Variants in ZSWIM6 observed in about 807,000 individuals in gnomAD.
The protein encoded by ZSWIM6 is zinc finger SWIM-type containing 6.
In ZSWIM6, 9 loss-of-function variants were observed where a neutral mutation model predicts 113.2. The observed-to-expected ratio is 0.08, with a 90% CI of 0.05 to 0.14. The LOEUF is 0.14. Among genes scored for constraint, ZSWIM6 ranks in the 10% least tolerant of loss-of-function variants. The pLI is 1.00. For missense variants in ZSWIM6, 1,162 were observed against 1,552.2 expected (o/e 0.75, Z 4.22); for synonymous variants, 611 against 606.5 (o/e 1.01, Z -0.11).
intron 4 of ZSWIM6, among the ~76,000 whole-genome samples, chr5:61,518,871 T>G (rs1749035596): frequency 6.6e-6 from 1 of 152,140 alleles, no homozygotes; most frequent in Non-Finnish European, 1.5e-5. Context: ...CCCATGCCTA[T>G]GTCCTGAATG....
rs1417839181 is a variant in ZSWIM6 at position 61,332,866 on chromosome 5, C to T, written c.594C>T (p.Asp198=). ...APSVGAAGAA[D]GGDETRLPFR... is the part of the protein sequence containing the mutation. ...CGGTGGGGGCTGCCGGGGCGGCGGA[C>T]GGCGGCGACGAGACGCGGCTGCCTT... The change falls in exon 1 of 14, where the codon GAC becomes GAT. Residue 198 remains aspartate, a synonymous_variant. Coordinates refer to ENST00000252744, the MANE Select transcript of ZSWIM6 (RefSeq NM_020928.2). 6.8e-5 allele frequency: 84 copies of T among 1,233,016 alleles called. No individual in the cohort carries two copies. Among genetic ancestry groups the T allele is most frequent in the Non-Finnish European group, 8.6e-5 (83 of 968,290 alleles). The allele number at this position is 1,233,016 out of a possible 1,614,324, so 76.4% of individuals were successfully genotyped here. A position where few individuals can be genotyped will look rare whatever the true frequency, so the allele number is the denominator to read the frequency against.
chr5:61,489,180 T>C (rs1207376981), intron 2 of ZSWIM6, among the ~76,000 whole-genome samples: 2 of 151,990 alleles, frequency 1.3e-5, no homozygotes, highest in Non-Finnish European at 2.9e-5. Flanking sequence ...TGCAGACCCT[T>C]CTCTCCTTTC....
In ZSWIM6 at chr5:61,357,244, G is replaced by A. The variant is rs565006699; in HGVS notation, c.676+24296G>A. Among the ~76,000 whole-genome samples the A allele has an allele frequency of 4.6e-5, 7 of 152,206 alleles. No homozygotes were observed. The East Asian group carries it at 7.7e-4, about 17-fold the overall frequency. On this transcript the variant is annotated intron_variant, in intron 1 of 13. Coordinates refer to ENST00000252744, the MANE Select transcript of ZSWIM6 (RefSeq NM_020928.2). ...TTTTTGAAACAGGAATTCAGTGCAGGGTATTGGTTATTCAGGTTATGCAGC... is the reference window on the plus strand; with the variant it reads ...TTTTTGAAACAGGAATTCAGTGCAGAGTATTGGTTATTCAGGTTATGCAGC...
chr5:61,357,739 AG>A (rs1249362689), intron 1 of ZSWIM6, among the ~76,000 whole-genome samples: 21 of 152,192 alleles, frequency 1.4e-4, no homozygotes, highest in African/African-American at 5.1e-4. Context: ...AATAGAAGAC[AG>A]TCTTCTTAAT....
At chr5:61,437,644 G>A (rs1408933804) in intron 1 of ZSWIM6, among the ~76,000 whole-genome samples, 1 of 150,102 alleles carries the variant, frequency 6.7e-6, no homozygotes, top group Non-Finnish European at 1.5e-5. Context: ...TTGAGCCTGG[G>A]AGGTTGAGGC....
At chr5:61,500,103 A>ATTG (rs1169520400) in intron 4 of ZSWIM6, among the ~76,000 whole-genome samples, 91 of 136,310 alleles carry the variant, frequency 6.7e-4, no homozygotes, top group Non-Finnish European at 1.0e-3. Flanking sequence ...CCTCAGCTTT[A>ATTG]TTATTATTAT....
At chr5:61,431,864 A>G (rs1746590825) in intron 1 of ZSWIM6, among the ~76,000 whole-genome samples, 1 of 152,202 alleles carries the variant, frequency 6.6e-6, no homozygotes, top group Non-Finnish European at 1.5e-5. Context: ...TATAAAGTCA[A>G]TGCTTAGTTT....
chr5:61,396,085 G>A (rs1267910249), intron 1 of ZSWIM6, among the ~76,000 whole-genome samples: 1 of 152,142 alleles, frequency 6.6e-6, no homozygotes, highest in Non-Finnish European at 1.5e-5. Flanking sequence ...TGGGCAGGGC[G>A]AACCAGAAGG....
intron 13 of ZSWIM6, among the ~76,000 whole-genome samples, chr5:61,542,378 A>G (rs1172618723): frequency 2.0e-5 from 3 of 152,220 alleles, no homozygotes; most frequent in Non-Finnish European, 4.4e-5. Context: ...GTAGCTGGCC[A>G]TAAGAAGATT....
intron 1 of ZSWIM6, among the ~76,000 whole-genome samples, chr5:61,365,461 A>C (rs965676432): frequency 3.3e-5 from 5 of 152,212 alleles, no homozygotes. Context: ...CTATGGTGTG[A>C]CACAGAAATA....
intron 1 of ZSWIM6, among the ~76,000 whole-genome samples, chr5:61,470,590 A>G (rs953254889): frequency 6.6e-6 from 1 of 152,166 alleles, no homozygotes; most frequent in African/African-American, 2.4e-5. Context: ...TTTAGAATAT[A>G]TACTATGTAC....
intron 1 of ZSWIM6, among the ~76,000 whole-genome samples, chr5:61,461,887 T>G (rs1047274516): frequency 3.3e-5 from 5 of 152,212 alleles, no homozygotes; most frequent in Non-Finnish European, 4.4e-5. Flanking sequence ...TTTATCTGCC[T>G]TTTGAACAGA....
intron 4 of ZSWIM6, among the ~76,000 whole-genome samples, chr5:61,499,868 C>A (rs904572612): frequency 5.9e-5 from 9 of 152,246 alleles, no homozygotes; most frequent in African/African-American, 2.2e-4. Flanking sequence ...TAGTTGCCAA[C>A]ATTTATTTGT....
chr5:61,402,740 A>T (rs1745963582), intron 1 of ZSWIM6, among the ~76,000 whole-genome samples: 1 of 152,224 alleles, frequency 6.6e-6, no homozygotes. Flanking sequence ...AACTTAGGAA[A>T]TTTAAAGTTG....
Position 61,544,565 on chromosome 5 carries a change from G to A in ZSWIM6, c.*248G>A. On this transcript the variant is annotated 3_prime_UTR_variant, in exon 14 of 14. Coordinates refer to ENST00000252744, the MANE Select transcript of ZSWIM6 (RefSeq NM_020928.2). ...ATTTTTTTTTTCTGGTTTTGTATGA[G>A]AGAGAGGTTAAAAAGGTTTGGTTTA... 1 of 194,786 alleles carries A rather than the reference G, an allele frequency of 5.1e-6. No homozygotes were observed. Among genetic ancestry groups the A allele is most frequent in the Non-Finnish European group, 1.0e-5 (1 of 97,612 alleles). The allele number at this position is 194,786 out of a possible 1,614,324, so 12.1% of individuals were successfully genotyped here. A position where few individuals can be genotyped will look rare whatever the true frequency, so the allele number is the denominator to read the frequency against.
At chr5:61,533,982 T>G (rs1322229655) in intron 9 of ZSWIM6, among the ~76,000 whole-genome samples, 1 of 152,190 alleles carries the variant, frequency 6.6e-6, no homozygotes, top group Non-Finnish European at 1.5e-5. Flanking sequence ...GTGTCTCTTC[T>G]TACAAGGACA....
At chr5:61,358,514 CAAAAT>C (rs1235293642) in intron 1 of ZSWIM6, among the ~76,000 whole-genome samples, 1 of 152,078 alleles carries the variant, frequency 6.6e-6, no homozygotes, top group African/African-American at 2.4e-5. Flanking sequence ...TTAAATGGTC[CAAAAT>C]AAAATCTAAT....
Position 61,543,606 on chromosome 5 carries a change from C to A in ZSWIM6, c.2937C>A (p.Ser979Arg). 1.3e-6 allele frequency: 2 copies of A among 1,551,758 alleles called. No homozygotes were observed. The highest frequency in any genetic ancestry group is 8.7e-7 in the Non-Finnish European group (1 of 1,147,030). The change falls in exon 14 of 14, where the codon AGC becomes AGA. Residue 979 changes from serine (S) to arginine (R), a missense_variant. Physicochemically the swap from Ser to Arg is moderately radical, Grantham distance 110. Coordinates refer to ENST00000252744, the MANE Select transcript of ZSWIM6 (RefSeq NM_020928.2). This position sits in a 1 kb window ranked among gnomAD's most constrained non-coding sequence, Gnocchi z 4.3. ...DCHQQEKLAS[S>R]ARTLALQCAM... ...ACCAGCAGGAAAAGCTGGCCAGCAG[C>A]GCCCGGACACTTGCACTGCAGTGTG...
At chr5:61,430,928 A>G (rs1263620432) in intron 1 of ZSWIM6, among the ~76,000 whole-genome samples, 4 of 152,190 alleles carry the variant, frequency 2.6e-5, no homozygotes, top group South Asian at 4.1e-4. Context: ...TGCTACGAAA[A>G]TAAGAACTTT....
Sources: gnomAD v4.1 joint callset for allele counts (sites outside exome capture counted in the v4.1 genomes callset) on GRCh38, gnomAD v4.1.1 for gene constraint, Gnocchi (gnomAD v3.1) non-coding constraint, MANE v1.5 for transcripts, NCBI Gene and HGNC (gene_info 2026-07-23, HGNC 2026-07-21) for gene names.